Variants in PGAM2 observed in about 807,000 individuals in gnomAD.
PGAM2 encodes phosphoglycerate mutase 2.
A neutral mutation model predicts 22.5 loss-of-function variants in PGAM2; 23 were observed. That is an observed-to-expected ratio of 1.02 (90% CI 0.74 to 1.45). PGAM2 has a LOEUF of 1.45. PGAM2 is among the 40% of genes most tolerant of loss of function. The pLI is 0.00. For synonymous variants in PGAM2, 133 were observed against 138.6 expected (o/e 0.96, Z 0.29); for missense variants, 349 against 356.2 (o/e 0.98, Z 0.16).
intron 2 of PGAM2, chr7:44,063,263 G>GGTT: frequency 2.9e-6 from 1 of 344,212 alleles, no homozygotes. Flanking sequence ...CTCACCCTTT[G>GGTT]TTTTTTTTTT....
rs918932090 is a variant in PGAM2 at position 44,064,450 on chromosome 7, G to A, written c.595+382C>T. 4.5e-5 allele frequency: 14 copies of A among 314,428 alleles called. 1 individual carries two copies. The highest frequency in any genetic ancestry group is 4.1e-4 in the South Asian group (14 of 34,082). 19.5% of individuals were successfully genotyped at this position (314,428 alleles called of 1,614,324 possible). ...CCAGGGGGAGCTCCCCACCACCCCG[G>A]AAAAGGGAGAGGCCCAGAGATGGAG... is the stretch of plus-strand genomic sequence containing the variant. On this transcript the variant is annotated intron_variant, in intron 2 of 2. Transcript: ENST00000297283.
Position 44,062,949 on chromosome 7 carries a change from G to C in PGAM2, c.596-19C>G, listed in dbSNP as rs1420440926. The C allele has an allele frequency of 6.2e-7, 1 of 1,613,860 alleles. No individual in the cohort carries two copies. The highest frequency in any genetic ancestry group is 1.3e-5 in the African/African-American group (1 of 74,918). On this transcript the variant is annotated intron_variant, in intron 2 of 2. Transcript: ENST00000297283. ...GACATCCCTATGCCGGAAGGAATAG[G>C]TGTCCTTAGCCCCTCTGTCCCCAGC...
chr7:44,064,446 C>T, intron 2 of PGAM2: 1 of 312,896 alleles, frequency 3.2e-6, no homozygotes, highest in Non-Finnish European at 6.1e-6. Context: ...TCCCCACCAC[C>T]CCGGAAAAGG....
rs1014467169 is a variant in PGAM2 at position 44,065,449 on chromosome 7, A to G, written c.81T>C (p.Asp27=). 2.5e-6 allele frequency: 4 copies of G among 1,613,926 alleles called. No individual in the cohort carries two copies. Among genetic ancestry groups the G allele is most frequent in the Non-Finnish European group, 3.4e-6 (4 of 1,180,044 alleles). ...NQENRFCGWF[D]AELSEKGTEE... ...CGGTCCCCTTTTCACTCAGCTCTGC[A>G]TCGAACCAGCCACAGAAACGGTTCT... The change falls in exon 1 of 3, where the codon GAT becomes GAC. Residue 27 remains aspartate (D), a synonymous_variant. Transcript: ENST00000297283.
chr7:44,065,032 T>C lies in PGAM2; in HGVS notation c.415-20A>G, dbSNP rs1281472912. The C allele has an allele frequency of 1.2e-6, 2 of 1,607,126 alleles. No individual in the cohort carries two copies. Among genetic ancestry groups the C allele is most frequent in the African/African-American group, 2.7e-5 (2 of 74,916 alleles). The stretch of plus-strand genomic sequence containing the variant: ...ACGCTCCTGGGGGACACAGGCACGC[T>C]GCTTTCCCTCCCAAGCCAGTGGGCC... On this transcript the variant is annotated intron_variant, in intron 1 of 2. Coordinates refer to ENST00000297283, the MANE Select transcript of PGAM2 (RefSeq NM_000290.4).
chr7:44,064,855 C>G lies in PGAM2; in HGVS notation c.572G>C (p.Arg191Pro). 1 of 1,609,778 alleles carries G rather than the reference C, an allele frequency of 6.2e-7. No homozygotes were observed. The highest frequency in any genetic ancestry group is 8.5e-7 in the Non-Finnish European group (1 of 1,179,208). The change falls in exon 2 of 3, where the codon CGG (arginine) becomes CCG (proline). Residue 191 changes from arginine (R) to proline (P), a missense_variant. Arg to Pro is a moderately radical substitution (Grantham distance 103). Transcript: ENST00000297283. ...ACCTTCCAGGTGCTTGACAATGCCC[C>G]GCAGGCTGTTCCCGTGGGCTGCAAT... ...VLIAAHGNSLRGIVKHLEGMS... is the reference protein window; with the variant it reads ...VLIAAHGNSLPGIVKHLEGMS...
At chr7:44,064,713 A>G (rs2096155710) in intron 2 of PGAM2, 119 bp downstream of exon 2, 1 of 887,220 alleles carries the variant, frequency 1.1e-6, no homozygotes, top group Non-Finnish European at 1.8e-6. Flanking sequence ...TTTTCAGTGA[A>G]TGATGTGGAG....
chr7:44,064,793 G>GGGCCC, intron 2 of PGAM2, 39 bp downstream of exon 2: 10 of 1,136,900 alleles, frequency 8.8e-6, no homozygotes, highest in East Asian at 2.5e-5. Context: ...TGGGGCTGCT[G>GGGCCC]CCCACCCACC....
chr7:44,064,526 T>C (rs1456143216), intron 2 of PGAM2: 1 of 440,012 alleles, frequency 2.3e-6, no homozygotes, highest in African/African-American at 2.0e-5. Flanking sequence ...CCAGATGCTC[T>C]AAGCCCAGCC....
chr7:44,064,632 TG>T, intron 2 of PGAM2, 199 bp downstream of exon 2: 1 of 614,810 alleles, frequency 1.6e-6, no homozygotes, highest in Non-Finnish European at 2.9e-6. Flanking sequence ...TCAGCCCCTG[TG>T]GAGTGTGTCC....
chr7:44,062,735 G>A lies in PGAM2; in HGVS notation c.*29C>T. 1 of 1,612,430 alleles carries A rather than the reference G, an allele frequency of 6.2e-7. No homozygotes were observed. Among genetic ancestry groups the A allele is most frequent in the South Asian group, 1.1e-5 (1 of 90,962 alleles). On this transcript the variant is annotated 3_prime_UTR_variant, in exon 3 of 3. Transcript: ENST00000297283. ...TGCGCTGGACTCCAGGCTGTTGGGG[G>A]AGGTGCCTTTATTGCCCAAGCCCAC...
chr7:44,065,323 G>A lies in PGAM2; in HGVS notation c.207C>T (p.Ala69=). The A allele has an allele frequency of 6.2e-7, 1 of 1,613,682 alleles. No individual in the cohort carries two copies. The highest frequency in any genetic ancestry group is 8.5e-7 in the Non-Finnish European group (1 of 1,180,034). Residue 69 remains alanine, a synonymous_variant, in exon 1 of 3, where the codon GCC becomes GCT. Coordinates refer to ENST00000297283, the MANE Select transcript of PGAM2 (RefSeq NM_000290.4). ...VLKRAIRTLW[A]ILDGTDQMWL... is the part of the protein sequence containing the mutation. ...ACATCTGGTCCGTGCCGTCCAGGATGGCCCAGAGGGTGCGGATGGCCCGCT... is the reference window on the plus strand; with the variant it reads ...ACATCTGGTCCGTGCCGTCCAGGATAGCCCAGAGGGTGCGGATGGCCCGCT...
intron 2 of PGAM2, chr7:44,064,606 C>T (rs541634924): frequency 2.0e-4 from 118 of 575,812 alleles, no homozygotes; most frequent in African/African-American, 1.9e-3. Context: ...CGGGACACAG[C>T]GAGCTTCGAG....
Position 44,065,279 on chromosome 7 carries a change from G to A in PGAM2, c.251C>T (p.Thr84Ile). 1 of 1,613,702 alleles carries A rather than the reference G, an allele frequency of 6.2e-7. No homozygotes were observed. Among genetic ancestry groups the A allele is most frequent in the East Asian group, 2.2e-5 (1 of 44,886 alleles). ...GTAATGCCGCTCATTGAGGCGCCAA[G>A]TGCGCACCACAGGCAGCCACATCTG... ...TDQMWLPVVR[T>I]WRLNERHYGG... The change falls in exon 1 of 3, where the codon ACT (threonine) becomes ATT (isoleucine). Residue 84 changes from threonine to isoleucine, a missense_variant. Physicochemically the swap from Thr to Ile is moderately conservative, Grantham distance 89. Coordinates refer to ENST00000297283, the MANE Select transcript of PGAM2 (RefSeq NM_000290.4).
rs777757414 is a variant in PGAM2 at position 44,064,914 on chromosome 7, A to AATC, written c.510_512dup (p.Glu170_Ile171insMet). The AATC allele has an allele frequency of 1.2e-6, 2 of 1,611,300 alleles. No homozygotes were observed. The highest frequency in any genetic ancestry group is 1.7e-6 in the Non-Finnish European group (2 of 1,179,698). ...GCTTGCCGGCCTTGATCTGGGGAAC[A>AATC]ATCTCCTCGTTCCAGAAGGGCAGGG... On this transcript the variant is annotated inframe_insertion, in exon 2 of 3. Coordinates refer to ENST00000297283, the MANE Select transcript of PGAM2 (RefSeq NM_000290.4).
rs1259582457 is a variant in PGAM2, at chr7:44,065,248, G to A, written c.282C>T (p.Gly94=). The A allele has an allele frequency of 6.2e-7, 1 of 1,613,822 alleles. No individual in the cohort carries two copies. The highest frequency in any genetic ancestry group is 1.1e-5 in the South Asian group (1 of 91,082). ...TTTCTGCCTTGTTGAGGCCTGTGAGGCCCCCGTAATGCCGCTCATTGAGGC... is the reference window on the plus strand; with the variant it reads ...TTTCTGCCTTGTTGAGGCCTGTGAGACCCCCGTAATGCCGCTCATTGAGGC... ...TWRLNERHYG[G]LTGLNKAETA... is the part of the protein sequence containing the mutation. The change falls in exon 1 of 3, where the codon GGC becomes GGT. Residue 94 remains glycine, a synonymous_variant. Transcript: ENST00000297283.
chr7:44,064,731 C>A (rs1357055456), intron 2 of PGAM2, 101 bp downstream of exon 2: 2 of 1,039,230 alleles, frequency 1.9e-6, no homozygotes, highest in Admixed American at 4.0e-5. Context: ...GAGCCCCACG[C>A]CTAGAAAGCC....
In PGAM2 at chr7:44,065,334, T is replaced by C. The variant is rs754137590; in HGVS notation, c.196A>G (p.Thr66Ala). ...YTSVLKRAIR[T>A]LWAILDGTDQ... is the part of the protein sequence containing the mutation. Reference sequence around the variant, plus strand: ...GTGCCGTCCAGGATGGCCCAGAGGGTGCGGATGGCCCGCTTCAGCACTGAC... The same window carrying C: ...GTGCCGTCCAGGATGGCCCAGAGGGCGCGGATGGCCCGCTTCAGCACTGAC... The change falls in exon 1 of 3, where the codon ACC becomes GCC. Residue 66 changes from threonine (T) to alanine (A), a missense_variant. Coordinates refer to ENST00000297283, the MANE Select transcript of PGAM2 (RefSeq NM_000290.4). 2 of 1,613,584 alleles carry C rather than the reference T, an allele frequency of 1.2e-6. No individual in the cohort carries two copies. Among genetic ancestry groups the C allele is most frequent in the Non-Finnish European group, 1.7e-6 (2 of 1,180,028 alleles).
chr7:44,064,357 G>C (rs1398851121), intron 2 of PGAM2: 1 of 213,242 alleles, frequency 4.7e-6, no homozygotes, highest in African/African-American at 2.3e-5. Context: ...GCTCATGCAG[G>C]GATTCTGAGG....
Sources: gnomAD v4.1 joint callset for allele counts on GRCh38, gnomAD v4.1.1 for gene constraint, MANE v1.5 for transcripts, NCBI Gene and HGNC (gene_info 2026-07-23, HGNC 2026-07-21) for gene names.